Variants in RFX3 observed in about 807,000 individuals in gnomAD.
The protein encoded by RFX3 is transcription factor RFX3.
RFX3 carries 14 observed loss-of-function variants against 98.6 expected under a neutral mutation model. That is an observed-to-expected ratio of 0.14 (90% CI 0.09 to 0.22). The LOEUF is 0.22. Ranked by LOEUF, RFX3 falls within the 10% of genes least tolerant of loss-of-function variation. RFX3 has a pLI of 1.00. For synonymous variants in RFX3, 383 were observed against 328.4 expected, an observed-to-expected ratio of 1.17 and a Z score of -1.80; for missense variants, 639 against 926.9, an observed-to-expected ratio of 0.69 and a Z score of 4.03.
intron 7 of RFX3, among the ~76,000 whole-genome samples, chr9:3,284,474 G>T (rs1826314042): frequency 6.6e-6 from 1 of 151,312 alleles, no homozygotes; most frequent in African/African-American, 2.4e-5. Context: ...TTCAATAGAA[G>T]TTTTTTTTAA....
intron 14 of RFX3, among the ~76,000 whole-genome samples, chr9:3,249,846 G>C (rs965922765): frequency 6.6e-6 from 1 of 151,964 alleles, no homozygotes; most frequent in Admixed American, 6.6e-5. Context: ...ACCTACATTA[G>C]TGTTAATAAT....
intron 5 of RFX3, among the ~76,000 whole-genome samples, chr9:3,300,864 A>C (rs898850419): frequency 1.3e-5 from 2 of 151,910 alleles, no homozygotes; most frequent in Non-Finnish European, 2.9e-5. Flanking sequence ...CAAAACTATC[A>C]TCACCCTTCT....
At position 3,480,735 on chromosome 9, in the gene RFX3, G is replaced by A. The variant is rs73387740; in HGVS notation, c.-9+45012C>T. Among the ~76,000 whole-genome samples the A allele has an allele frequency of 9.9e-4, 151 of 152,226 alleles. 1 individual carries two copies. The highest frequency in any genetic ancestry group is 3.6e-3 in the African/African-American group (149 of 41,532). On this transcript the variant is annotated intron_variant, in intron 1 of 16. Transcript: ENST00000617270. ...ATCACTTAAAAGCCATATGACCTTAGACAAGTCAATTAATCTCTCTAAGCT... is the reference window on the plus strand; with the variant it reads ...ATCACTTAAAAGCCATATGACCTTAAACAAGTCAATTAATCTCTCTAAGCT...
At chr9:3,261,347 C>T (rs1054440936) in intron 13 of RFX3, among the ~76,000 whole-genome samples, 1 of 152,070 alleles carries the variant, frequency 6.6e-6, no homozygotes, top group Non-Finnish European at 1.5e-5. Context: ...TACCTTCTGT[C>T]TGTATAGATG....
At chr9:3,249,618 A>G (rs960830368) in intron 14 of RFX3, among the ~76,000 whole-genome samples, 1 of 152,170 alleles carries the variant, frequency 6.6e-6, no homozygotes, top group Non-Finnish European at 1.5e-5. Context: ...CAATTATTAT[A>G]TGATGATGGC....
Position 3,466,803 on chromosome 9 carries a change from T to A in RFX3, c.-9+58944A>T, listed in dbSNP as rs1848261942. Among the ~76,000 whole-genome samples the A allele has an allele frequency of 2.0e-5, 3 of 151,910 alleles. No homozygotes were observed. In the South Asian group the frequency reaches 6.2e-4, roughly 31 times the overall value. On this transcript the variant is annotated intron_variant, in intron 1 of 16. Transcript: ENST00000617270. Reference sequence around the variant, plus strand: ...ATTGCCCGAAGTCAAAGATATTAGATCAAACATTTTATAAGTTTCTATCCC... The same window carrying A: ...ATTGCCCGAAGTCAAAGATATTAGAACAAACATTTTATAAGTTTCTATCCC...
intron 13 of RFX3, among the ~76,000 whole-genome samples, chr9:3,262,081 A>T (rs1038742920): frequency 6.6e-6 from 1 of 152,088 alleles, no homozygotes; most frequent in Non-Finnish European, 1.5e-5. Flanking sequence ...ATCTTCTCAC[A>T]TTCTGTGGTT....
chr9:3,382,285 T>C (rs1839277435), intron 2 of RFX3, among the ~76,000 whole-genome samples: 1 of 152,184 alleles, frequency 6.6e-6, no homozygotes, highest in Admixed American at 6.6e-5. Context: ...GAGTTTAAAT[T>C]ATAAAAAGAT....
At chr9:3,489,822 T>A (rs1850593881) in intron 1 of RFX3, among the ~76,000 whole-genome samples, 1 of 152,032 alleles carries the variant, frequency 6.6e-6, no homozygotes, top group Non-Finnish European at 1.5e-5. Flanking sequence ...TGCCTGAAAA[T>A]TTTACATTAT....
chr9:3,379,116 G>C (rs908746883), intron 2 of RFX3, among the ~76,000 whole-genome samples: 1 of 152,142 alleles, frequency 6.6e-6, no homozygotes, highest in Non-Finnish European at 1.5e-5. Flanking sequence ...GTGCATGCAA[G>C]GTTGGACTAC....
intron 1 of RFX3, among the ~76,000 whole-genome samples, chr9:3,478,915 C>G (rs973079147): frequency 6.6e-6 from 1 of 152,086 alleles, no homozygotes; most frequent in Non-Finnish European, 1.5e-5. Context: ...TTTTTCTTCC[C>G]CCAACTGAGC....
At chr9:3,329,407 C>CAAAAAAAAAA (rs1202028884) in intron 4 of RFX3, among the ~76,000 whole-genome samples, 6 of 38,104 alleles carry the variant, frequency 1.6e-4, no homozygotes, top group African/African-American at 2.7e-4. Context: ...GACTTCATCT[C>CAAAAAAAAAA]AAAAAAAAAA....
At chr9:3,273,689 C>T (rs988329738) in intron 9 of RFX3, among the ~76,000 whole-genome samples, 1 of 151,874 alleles carries the variant, frequency 6.6e-6, no homozygotes, top group African/African-American at 2.4e-5. Context: ...CACAGTGAAA[C>T]CCCATCTTTA....
chr9:3,422,875 T>A (rs138742035), intron 1 of RFX3, among the ~76,000 whole-genome samples: 143 of 152,286 alleles, frequency 9.4e-4, no homozygotes, highest in African/African-American at 3.2e-3. Context: ...TACAGTAGGA[T>A]TGCCTATCTG....
intron 15 of RFX3, among the ~76,000 whole-genome samples, chr9:3,233,022 A>T (rs1818681170): frequency 6.6e-6 from 1 of 152,262 alleles, no homozygotes; most frequent in Non-Finnish European, 1.5e-5. Flanking sequence ...TAGAACAGAC[A>T]GTAGAGAAAG....
At chr9:3,372,630 C>A (rs1837989898) in intron 2 of RFX3, among the ~76,000 whole-genome samples, 1 of 151,354 alleles carries the variant, frequency 6.6e-6, no homozygotes, top group South Asian at 2.1e-4. Context: ...TCACTGCAAC[C>A]TCTGCCCCCC....
intron 9 of RFX3, among the ~76,000 whole-genome samples, chr9:3,274,247 G>C (rs573006881): frequency 6.6e-6 from 1 of 152,080 alleles, no homozygotes; most frequent in Admixed American, 6.6e-5. Context: ...TTCTGGTGTC[G>C]GGGAAAATGT....
At chr9:3,467,548 G>A (rs1349514484) in intron 1 of RFX3, among the ~76,000 whole-genome samples, 1 of 151,830 alleles carries the variant, frequency 6.6e-6, no homozygotes, top group African/African-American at 2.4e-5. Flanking sequence ...CTTCTTCTAA[G>A]GTCCTGAAGA....
intron 1 of RFX3, among the ~76,000 whole-genome samples, chr9:3,446,370 T>C (rs1209776130): frequency 6.6e-6 from 1 of 152,136 alleles, no homozygotes. Context: ...AAATAGTTTA[T>C]TTAATCAAAA....
Sources: gnomAD v4.1 joint callset for allele counts (sites outside exome capture counted in the v4.1 genomes callset) on GRCh38, gnomAD v4.1.1 for gene constraint, MANE v1.5 for transcripts, NCBI Gene and HGNC (gene_info 2026-07-23, HGNC 2026-07-21) for gene names.